The following NCALD variants were observed in gnomAD, a reference collection of about 807,000 sequenced individuals.
The protein encoded by NCALD is neurocalcin-delta.
Under a neutral mutation model 18.6 loss-of-function variants are expected in NCALD, and 10 were observed. That is an observed-to-expected ratio of 0.54 (90% confidence interval 0.33 to 0.91). NCALD has a LOEUF of 0.91. NCALD is among the 40% of genes least tolerant of loss of function. NCALD has a pLI of 0.03. For synonymous variants in NCALD, 88 were observed against 87.4 expected, an observed-to-expected ratio of 1.01 and a Z score of -0.04; for missense variants, 184 against 247.6, an observed-to-expected ratio of 0.74 and a Z score of 1.72.
chr8:101,748,141 C>T (rs187030800), intron 1 of NCALD, among the ~76,000 whole-genome samples: 94 of 152,292 alleles, frequency 6.2e-4, no homozygotes, highest in Middle Eastern at 6.8e-3. Flanking sequence ...GAAAATATCC[C>T]AAAGGCTCAG....
chr8:102,108,594 G>C (rs1174980692), intron 1 of NCALD, among the ~76,000 whole-genome samples: 1 of 152,204 alleles, frequency 6.6e-6, no homozygotes, highest in Non-Finnish European at 1.5e-5. Context: ...ATATCCTTTT[G>C]TAAAAGTCTA....
At chr8:101,731,828 A>T (rs951621466) in intron 1 of NCALD, among the ~76,000 whole-genome samples, 3 of 152,172 alleles carry the variant, frequency 2.0e-5, no homozygotes, top group Non-Finnish European at 4.4e-5. Context: ...CTTTCACTGC[A>T]TGCTTAAAGG....
chr8:102,003,681 T>C (rs1333807315), intron 2 of NCALD, among the ~76,000 whole-genome samples: 1 of 152,204 alleles, frequency 6.6e-6, no homozygotes. Context: ...TTATCCACCA[T>C]GATCAAGTGG....
At chr8:102,006,028 A>G (rs558248493) in intron 2 of NCALD, among the ~76,000 whole-genome samples, 112 of 150,042 alleles carry the variant, frequency 7.5e-4, no homozygotes, top group African/African-American at 2.6e-3. Flanking sequence ...TTAAAGTATA[A>G]TAATAAAAAA....
In NCALD at chr8:101,912,067, G is replaced by A. The variant is rs376007458; in HGVS notation, c.-107+3742C>T. Among the ~76,000 whole-genome samples the A allele has an allele frequency of 2.0e-5, 3 of 151,992 alleles. No homozygotes were observed. In the East Asian group the frequency reaches 5.8e-4, roughly 29 times the overall value. ...GGTGATTACAATGCTGGAGCAAAAC[G>A]GCCATGCCAGTATTTTTGTAATTCA... On this transcript the variant is annotated intron_variant, in intron 3 of 6. Transcript: ENST00000311028.
At chr8:101,701,582 C>A (rs1223503285) in intron 2 of NCALD, among the ~76,000 whole-genome samples, 1 of 152,130 alleles carries the variant, frequency 6.6e-6, no homozygotes, top group East Asian at 1.9e-4. Context: ...GGAACAACCT[C>A]TTGGGATGTT....
intron 2 of NCALD, among the ~76,000 whole-genome samples, chr8:101,933,841 AG>A (rs1818662620): frequency 6.6e-6 from 1 of 152,192 alleles, no homozygotes; most frequent in Non-Finnish European, 1.5e-5. Flanking sequence ...GGACAGTGGT[AG>A]GGGCTACAGA....
intron 4 of NCALD, among the ~76,000 whole-genome samples, chr8:101,804,034 C>T (rs746831823): frequency 6.6e-6 from 1 of 151,940 alleles, no homozygotes; most frequent in Non-Finnish European, 1.5e-5. Context: ...CTTCAGCAAT[C>T]GCCAGCCTGA....
At chr8:101,877,867 A>G (rs985789175) in intron 4 of NCALD, among the ~76,000 whole-genome samples, 1 of 152,356 alleles carries the variant, frequency 6.6e-6, no homozygotes, top group African/African-American at 2.4e-5. Context: ...CAAATACTGC[A>G]GTTAGCAAAG....
intron 2 of NCALD, among the ~76,000 whole-genome samples, chr8:101,919,606 G>C (rs143220753): frequency 6.6e-6 from 1 of 151,258 alleles, no homozygotes; most frequent in East Asian, 1.9e-4. Flanking sequence ...CTACAGAATG[G>C]AAGAAAATAT....
intron 4 of NCALD, among the ~76,000 whole-genome samples, chr8:101,867,061 C>G (rs1320946690): frequency 6.6e-6 from 1 of 152,184 alleles, no homozygotes; most frequent in Non-Finnish European, 1.5e-5. Flanking sequence ...TTCCACCGTT[C>G]CTCAAGCACA....
chr8:101,991,023 C>T (rs981459054), intron 2 of NCALD, among the ~76,000 whole-genome samples: 2 of 152,176 alleles, frequency 1.3e-5, no homozygotes, highest in African/African-American at 4.8e-5. Context: ...TCTGCTCCAT[C>T]TTAGCTAGGC....
intron 2 of NCALD, among the ~76,000 whole-genome samples, chr8:101,991,190 T>A (rs1006528619): frequency 8.5e-5 from 13 of 152,172 alleles, no homozygotes; most frequent in Non-Finnish European, 1.6e-4. Flanking sequence ...AAAATTCATC[T>A]CCTCCAATTC....
intron 4 of NCALD, among the ~76,000 whole-genome samples, chr8:101,801,084 G>C (rs1812830786): frequency 6.6e-6 from 1 of 150,860 alleles, no homozygotes; most frequent in South Asian, 2.1e-4. Flanking sequence ...GAAAGAAAGA[G>C]GAAGGAAGGA....
intron 3 of NCALD, among the ~76,000 whole-genome samples, chr8:101,900,921 AGT>A (rs890277980): frequency 6.6e-6 from 1 of 151,992 alleles, no homozygotes; most frequent in African/African-American, 2.4e-5. Context: ...TATTGAGAGA[AGT>A]GTGTTGAGGT....
At chr8:101,875,602 A>G (rs1466503326) in intron 4 of NCALD, among the ~76,000 whole-genome samples, 1 of 152,198 alleles carries the variant, frequency 6.6e-6, no homozygotes, top group Non-Finnish European at 1.5e-5. Flanking sequence ...TATTGAAGCC[A>G]GCATGGAGCA....
At chr8:101,826,404 T>C (rs907444186) in intron 4 of NCALD, among the ~76,000 whole-genome samples, 1 of 149,246 alleles carries the variant, frequency 6.7e-6, no homozygotes, top group Non-Finnish European at 1.5e-5. Context: ...AATCTTCCCA[T>C]GATTCAGGGG....
chr8:102,032,638 A>AAAAAG (rs1554582802), intron 1 of NCALD, among the ~76,000 whole-genome samples: 3 of 151,748 alleles, frequency 2.0e-5, no homozygotes, highest in Non-Finnish European at 4.4e-5. Context: ...AAAAAAAAAA[A>AAAAAG]AAAAGAGGAC....
At chr8:101,759,663 A>G (rs1262590174) in intron 1 of NCALD, among the ~76,000 whole-genome samples, 2 of 152,200 alleles carry the variant, frequency 1.3e-5, no homozygotes, top group Non-Finnish European at 2.9e-5. Flanking sequence ...GAACTGCATT[A>G]CTAGACATAC....
Sources: gnomAD v4.1 joint callset for allele counts (sites outside exome capture counted in the v4.1 genomes callset) on GRCh38, gnomAD v4.1.1 for gene constraint, MANE v1.5 for transcripts, NCBI Gene and HGNC (gene_info 2026-07-23, HGNC 2026-07-21) for gene names.